Variants in TDRP observed in about 807,000 individuals in gnomAD.
The protein encoded by TDRP is testis development related protein.
TDRP carries 12 observed loss-of-function variants against 10.5 expected under a neutral mutation model. That is an observed-to-expected ratio of 1.15 (90% CI 0.73 to 1.86). The LOEUF (loss-of-function observed/expected upper bound fraction) is 1.86, where lower values mean the gene tolerates loss of function less well. TDRP is among the 40% of genes most tolerant of loss of function. The pLI is 0.00. For synonymous variants in TDRP, 139 were observed against 95.4 expected (o/e 1.46, Z -2.67); for missense variants, 353 against 229.2 (o/e 1.54, Z -3.49).
intron 1 of TDRP, among the ~76,000 whole-genome samples, chr8:499,158 T>A (rs1273306385): frequency 2.6e-5 from 4 of 152,190 alleles, no homozygotes; most frequent in African/African-American, 9.7e-5. Flanking sequence ...TACCTAGTGT[T>A]TCCATTGAAA....
chr8:497,941 T>C (rs1034573714), intron 1 of TDRP, among the ~76,000 whole-genome samples: 1 of 152,108 alleles, frequency 6.6e-6, no homozygotes, highest in African/African-American at 2.4e-5. Flanking sequence ...CTACATGGTA[T>C]TGGGCCTGAA....
intron 1 of TDRP, among the ~76,000 whole-genome samples, chr8:527,959 A>C (rs1802079221): frequency 6.6e-6 from 1 of 152,200 alleles, no homozygotes; most frequent in Admixed American, 6.5e-5. Context: ...ACCAATCAAC[A>C]AATGGAAAGG....
At chr8:529,714 T>C (rs1374667538) in intron 1 of TDRP, among the ~76,000 whole-genome samples, 1 of 152,208 alleles carries the variant, frequency 6.6e-6, no homozygotes, top group East Asian at 1.9e-4. Flanking sequence ...TGTACTGTAA[T>C]GTTTCTGCTG....
rs199644918 is a variant in TDRP at position 512,092 on chromosome 8, G to A, written c.109-17495C>T. ...AATTAATCAATAGAGAATAACAGAA[G>A]AGAAATAAACAAAACCAAAATTTCG... is the stretch of plus-strand genomic sequence containing the variant. On this transcript the variant is annotated intron_variant, in intron 1 of 2. Coordinates refer to ENST00000324079, the MANE Select transcript of TDRP (RefSeq NM_001384899.1). Among the ~76,000 whole-genome samples, 11 of 151,830 alleles carry A rather than the reference G, an allele frequency of 7.2e-5. No individual in the cohort carries two copies. In the East Asian group the frequency reaches 1.9e-3, roughly 27 times the overall value.
chr8:515,002 A>T (rs1426397297), intron 1 of TDRP, among the ~76,000 whole-genome samples: 2 of 152,216 alleles, frequency 1.3e-5, no homozygotes, highest in African/African-American at 4.8e-5. Context: ...CTTTATTCCA[A>T]TTCAGCTAAT....
Position 491,524 on chromosome 8 carries a change from T to C in TDRP, c.*875A>G, listed in dbSNP as rs748976639. ...GATCTAACACCAATCACAATAGGCA[T>C]CTCGCTTTGCAAGAACAAACATATG... is the stretch of plus-strand genomic sequence containing the variant. On this transcript the variant is annotated 3_prime_UTR_variant, in exon 3 of 3. Coordinates refer to ENST00000324079, the MANE Select transcript of TDRP (RefSeq NM_001384899.1). The C allele has an allele frequency of 7.7e-7, 1 of 1,304,508 alleles. No homozygotes were observed. 80.8% of individuals were successfully genotyped at this position (1,304,508 alleles called of 1,614,324 possible). A position where few individuals can be genotyped will look rare whatever the true frequency, so the allele number is the denominator to read the frequency against.
rs549278925 is a variant in TDRP at position 519,943 on chromosome 8, T to G, written c.108+24707A>C. 7.2e-5 allele frequency among the ~76,000 whole-genome samples: 11 copies of G among 152,216 alleles called. No homozygotes were observed. In the East Asian group the frequency reaches 2.1e-3, roughly 29 times the overall value. On this transcript the variant is annotated intron_variant, in intron 1 of 2. Transcript: ENST00000324079. ...CTAAGGAAATATATGACCAGATAAG[T>G]GGGCAATTTATGTGCTTTACCGGCA...
chr8:521,624 C>A (rs1801907860), intron 1 of TDRP, among the ~76,000 whole-genome samples: 1 of 152,170 alleles, frequency 6.6e-6, no homozygotes, highest in South Asian at 2.1e-4. Context: ...ATACTGCTTT[C>A]ATTACTGTAC....
chr8:522,165 T>A (rs7004450), intron 1 of TDRP, among the ~76,000 whole-genome samples: 3 of 152,360 alleles, frequency 2.0e-5, no homozygotes, highest in Non-Finnish European at 4.4e-5. Flanking sequence ...CCTATTTACA[T>A]TGTGCTACTA....
chr8:514,999 C>G (rs1801719897), intron 1 of TDRP, among the ~76,000 whole-genome samples: 1 of 152,184 alleles, frequency 6.6e-6, no homozygotes, highest in Admixed American at 6.5e-5. Flanking sequence ...AGACTTTATT[C>G]CAATTCAGCT....
chr8:521,231 T>C (rs1381129589), intron 1 of TDRP, among the ~76,000 whole-genome samples: 1 of 115,676 alleles, frequency 8.6e-6, no homozygotes, highest in East Asian at 2.4e-4. Flanking sequence ...TCAAACCCCG[T>C]CTCTACTAAA....
chr8:496,871 TTCTC>T (rs928778876), intron 1 of TDRP, among the ~76,000 whole-genome samples: 9 of 152,152 alleles, frequency 5.9e-5, no homozygotes, highest in Non-Finnish European at 7.4e-5. Flanking sequence ...CACCTGTCTT[TTCTC>T]TCTCTCTATC....
chr8:533,749 T>C (rs1444951215), intron 1 of TDRP, among the ~76,000 whole-genome samples: 1 of 152,068 alleles, frequency 6.6e-6, no homozygotes, highest in Admixed American at 6.6e-5. Flanking sequence ...TCATTTTCTA[T>C]CCCCCTCCCC....
At chr8:494,833 A>G (rs1416941984) in intron 1 of TDRP, 1 of 413,430 alleles carries the variant, frequency 2.4e-6, no homozygotes, top group African/African-American at 2.0e-5. Flanking sequence ...AGTAATCTAA[A>G]TTTAGTATTA....
In TDRP at chr8:544,808, G is replaced by C. The variant is rs1353195033; in HGVS notation, c.-51C>G. The C allele has an allele frequency of 8.4e-7, 1 of 1,185,466 alleles. No homozygotes were observed. The allele number at this position is 1,185,466 out of a possible 1,614,324, so 73.4% of individuals were successfully genotyped here. A position where few individuals can be genotyped will look rare whatever the true frequency, so the allele number is the denominator to read the frequency against. On this transcript the variant is annotated 5_prime_UTR_variant, in exon 1 of 3. Coordinates refer to ENST00000324079, the MANE Select transcript of TDRP (RefSeq NM_001384899.1). Reference sequence around the variant, plus strand: ...CGTCCGTGCGTCGGGCTGTGGCTCCGCGTCCCTCCCGGCCGCCGGACGCTC... The same window carrying C: ...CGTCCGTGCGTCGGGCTGTGGCTCCCCGTCCCTCCCGGCCGCCGGACGCTC...
upstream of TDRP, chr8:544,835 G>T (rs993569610): frequency 1.9e-6 from 2 of 1,078,736 alleles, no homozygotes; most frequent in South Asian, 4.7e-5. Context: ...CGGACGCTCT[G>T]CCTGCGGCTC....
At chr8:507,177 G>A (rs1365734151) in intron 1 of TDRP, among the ~76,000 whole-genome samples, 2 of 152,140 alleles carry the variant, frequency 1.3e-5, no homozygotes, top group African/African-American at 2.4e-5. Flanking sequence ...TCACTATCAT[G>A]AGAACAGTGT....
chr8:522,658 C>G (rs1584873709), intron 1 of TDRP, among the ~76,000 whole-genome samples: 2 of 152,316 alleles, frequency 1.3e-5, no homozygotes, highest in Middle Eastern at 3.4e-3. Context: ...TAGCTTGACT[C>G]TTTGTTTGGG....
intron 1 of TDRP, among the ~76,000 whole-genome samples, chr8:509,604 G>C (rs1584862933): frequency 6.6e-6 from 1 of 152,126 alleles, no homozygotes; most frequent in African/African-American, 2.4e-5. Context: ...GGGAGCCCTG[G>C]ATCTGGCTCA....
Sources: gnomAD v4.1 joint callset for allele counts (sites outside exome capture counted in the v4.1 genomes callset) on GRCh38, gnomAD v4.1.1 for gene constraint, MANE v1.5 for transcripts, NCBI Gene and HGNC (gene_info 2026-07-23, HGNC 2026-07-21) for gene names.